WDR76: variants seen among roughly 807,000 people sequenced by gnomAD.
WDR76 encodes the protein WD repeat-containing protein 76.
In WDR76, 52 loss-of-function variants were observed where a neutral mutation model predicts 70.2. The observed-to-expected ratio is 0.74, with a 90% CI of 0.59 to 0.93. The LOEUF (loss-of-function observed/expected upper bound fraction) is 0.93. Ranked by LOEUF, WDR76 falls within the 40% of genes least tolerant of loss-of-function variation. The pLI, the probability that WDR76 is intolerant of heterozygous loss-of-function variation, is 0.00. For synonymous variants in WDR76, 292 were observed against 271.1 expected (o/e 1.08, Z -0.76); for missense variants, 756 against 760.2 (o/e 0.99, Z 0.07).
At chr15:43,844,639 G>T (rs1385917419) in intron 8 of WDR76, among the ~76,000 whole-genome samples, 2 of 151,560 alleles carry the variant, frequency 1.3e-5, no homozygotes, top group African/African-American at 4.8e-5. Flanking sequence ...GCTGGGAGCG[G>T]TGGCTCACGC....
rs2088087925 is a variant in WDR76 at position 43,867,443 on chromosome 15, G to C, written c.*1051G>C. Reference sequence around the variant, plus strand: ...GACTGGTGTTGAAAAAAATGAAAAGGAAAGAATTTGTAAAGAACAGAAAAT... The same window carrying C: ...GACTGGTGTTGAAAAAAATGAAAAGCAAAGAATTTGTAAAGAACAGAAAAT... On this transcript the variant is annotated 3_prime_UTR_variant, in exon 13 of 13. Coordinates refer to ENST00000263795, the MANE Select transcript of WDR76 (RefSeq NM_024908.4). 1 of 152,122 alleles carries C rather than the reference G, an allele frequency of 6.6e-6. No individual in the cohort carries two copies. The highest frequency in any genetic ancestry group is 6.5e-5 in the Admixed American group (1 of 15,278). The allele number at this position is 152,122 out of a possible 1,614,324, so 9.4% of individuals were successfully genotyped here.
At chr15:43,836,107 TA>T in intron 3 of WDR76, 53 bp from the exon 4 acceptor site, 1 of 1,526,246 alleles carries the variant, frequency 6.6e-7, no homozygotes, top group South Asian at 1.2e-5. Flanking sequence ...CTTAATATTT[TA>T]AAAGGTAAGA....
intron 5 of WDR76, among the ~76,000 whole-genome samples, chr15:43,841,539 C>A (rs956023724): frequency 1.3e-5 from 2 of 152,048 alleles, no homozygotes; most frequent in African/African-American, 4.8e-5. Context: ...GGGGTTTCGC[C>A]ATGTTGGCCA....
chr15:43,836,975 G>GGTCATGGT, intron 4 of WDR76, among the ~76,000 whole-genome samples: 1 of 151,608 alleles, frequency 6.6e-6, no homozygotes, highest in East Asian at 1.9e-4. Context: ...GGGAGGCAGA[G>GGTCATGGT]GTCATGGTGA....
At chr15:43,857,813 T>C (rs541870188) in intron 10 of WDR76, among the ~76,000 whole-genome samples, 115 of 140,280 alleles carry the variant, frequency 8.2e-4, no homozygotes, top group African/African-American at 2.9e-3. Context: ...AGCGAGACTC[T>C]TGTCTCCAAA....
chr15:43,842,609 A>T lies in WDR76; in HGVS notation c.835-19A>T, dbSNP rs1267802708. The T allele has an allele frequency of 1.9e-6, 3 of 1,606,980 alleles. No homozygotes were observed. Among genetic ancestry groups the T allele is most frequent in the Non-Finnish European group, 1.7e-6 (2 of 1,177,462 alleles). ...ATATACATACTAACTTAGTTCTTTC[A>T]TCTCTCCCAATGTTTCAGCCAAGTA... On this transcript the variant is annotated intron_variant, in intron 6 of 12. Coordinates refer to ENST00000263795, the MANE Select transcript of WDR76 (RefSeq NM_024908.4).
intron 4 of WDR76, 60 bp from the exon 5 acceptor site, chr15:43,839,545 A>AT (rs2087696972): frequency 1.3e-6 from 2 of 1,524,802 alleles, no homozygotes; most frequent in Admixed American, 4.1e-5. Context: ...TCTCTTTAGT[A>AT]TTAGTAAATA....
At chr15:43,834,298 CTTTTTT>C (rs971086051) in intron 2 of WDR76, among the ~76,000 whole-genome samples, 1 of 132,172 alleles carries the variant, frequency 7.6e-6, no homozygotes, top group Non-Finnish European at 1.6e-5. Context: ...AAAAAAATAA[CTTTTTT>C]TTTTTTTTTT....
chr15:43,836,178 T>A lies in WDR76; in HGVS notation c.570T>A (p.Arg190=). 1 of 1,609,318 alleles carries A rather than the reference T, an allele frequency of 6.2e-7. No individual in the cohort carries two copies. Among genetic ancestry groups the A allele is most frequent in the East Asian group, 2.2e-5 (1 of 44,748 alleles). The change falls in exon 4 of 13, where the codon CGT becomes CGA. Residue 190 remains arginine, a synonymous_variant. Transcript: ENST00000263795. ...LQLSESAARL[R]EMIEKRQPPK... ...CTTTACAGTCTGCTGCAAGACTCCG[T>A]GAAATGATAGAGAAGAGACAGCCTC...
At chr15:43,843,604 G>C (rs574586538) in intron 7 of WDR76, among the ~76,000 whole-genome samples, 1 of 152,096 alleles carries the variant, frequency 6.6e-6, no homozygotes, top group East Asian at 1.9e-4. Flanking sequence ...CCGAATTGTT[G>C]CTCAAAGGTC....
intron 8 of WDR76, among the ~76,000 whole-genome samples, chr15:43,848,015 G>A (rs1354325683): frequency 1.3e-5 from 2 of 151,824 alleles, no homozygotes; most frequent in Non-Finnish European, 2.9e-5. Flanking sequence ...GATGGCTTAA[G>A]CCCACTAATT....
At chr15:43,831,661 A>C (rs2087590550) in intron 2 of WDR76, among the ~76,000 whole-genome samples, 1 of 151,994 alleles carries the variant, frequency 6.6e-6, no homozygotes, top group South Asian at 2.1e-4. Flanking sequence ...GCTGGTTTTT[A>C]ACTCCTGACC....
chr15:43,841,201 G>GTTTTT (rs910565504), intron 5 of WDR76, among the ~76,000 whole-genome samples: 16 of 102,260 alleles, frequency 1.6e-4, no homozygotes, highest in Non-Finnish European at 2.0e-4. Context: ...TTGTTTTTTT[G>GTTTTT]TTTTTTTTTT....
chr15:43,863,375 GAAC>G (rs1297932721), intron 12 of WDR76, among the ~76,000 whole-genome samples: 1 of 151,890 alleles, frequency 6.6e-6, no homozygotes, highest in Non-Finnish European at 1.5e-5. Context: ...TTTGTGATGA[GAAC>G]ACTTAAAATC....
chr15:43,854,337 A>AG (rs2087901456), intron 9 of WDR76, among the ~76,000 whole-genome samples: 1 of 152,226 alleles, frequency 6.6e-6, no homozygotes, highest in South Asian at 2.1e-4. Flanking sequence ...ACAGAGGCCG[A>AG]GGAGGGTGGA....
Position 43,828,085 on chromosome 15 carries a change from C to G in WDR76, c.181C>G (p.Leu61Val). Residue 61 changes from leucine (L) to valine (V), a missense_variant, in exon 2 of 13, where the codon CTA becomes GTA. Transcript: ENST00000263795. ...CCCCTTTTCACTCAGTAATTACCAG[C>G]TAGACCAGCTTATGTGCCCCAAATC... ...LAPFSLSNYQ[L>V]DQLMCPKSLS... is the part of the protein sequence containing the mutation. 2.5e-6 allele frequency: 4 copies of G among 1,614,146 alleles called. No individual in the cohort carries two copies. The highest frequency in any genetic ancestry group is 3.4e-6 in the Non-Finnish European group (4 of 1,180,032).
chr15:43,860,854 G>A (rs2087987271), intron 11 of WDR76, among the ~76,000 whole-genome samples: 1 of 146,812 alleles, frequency 6.8e-6, no homozygotes, highest in African/African-American at 2.5e-5. Flanking sequence ...TTTATAAAAC[G>A]TCTTGTAACT....
At chr15:43,846,712 T>C (rs2087793199) in intron 8 of WDR76, among the ~76,000 whole-genome samples, 1 of 152,084 alleles carries the variant, frequency 6.6e-6, no homozygotes, top group Non-Finnish European at 1.5e-5. Context: ...TTCATATCTT[T>C]CATGATGACT....
chr15:43,845,635 C>G (rs891279332), intron 8 of WDR76, among the ~76,000 whole-genome samples: 1 of 150,384 alleles, frequency 6.6e-6, no homozygotes, highest in Non-Finnish European at 1.5e-5. Flanking sequence ...GAAACAGTTT[C>G]TAAGCTGTAT....
Sources: gnomAD v4.1 joint callset for allele counts (sites outside exome capture counted in the v4.1 genomes callset) on GRCh38, gnomAD v4.1.1 for gene constraint, MANE v1.5 for transcripts, NCBI Gene and HGNC (gene_info 2026-07-23, HGNC 2026-07-21) for gene names.